The following GLO1 variants were observed in gnomAD, a reference collection of about 807,000 sequenced individuals.
GLO1 encodes glyoxalase I.
In GLO1, 28 loss-of-function variants were observed where a neutral mutation model predicts 26.0. That is an observed-to-expected ratio of 1.08 (90% confidence interval 0.80 to 1.48). The LOEUF (loss-of-function observed/expected upper bound fraction) is 1.48, where lower values mean the gene tolerates loss of function less well. GLO1 is among the 40% of genes most tolerant of loss of function. GLO1 has a pLI of 0.00. For synonymous variants in GLO1, 78 were observed against 77.6 expected, an observed-to-expected ratio of 1.00 and a Z score of -0.03; for missense variants, 225 against 224.8, an observed-to-expected ratio of 1.00 and a Z score of -0.01.
chr6:38,695,803 C>G (rs1241978525), intron 1 of GLO1, among the ~76,000 whole-genome samples: 1 of 152,150 alleles, frequency 6.6e-6, no homozygotes. Context: ...GGAAATGCTG[C>G]CCATTTCCAG....
chr6:38,700,206 T>C (rs13215896), intron 1 of GLO1, among the ~76,000 whole-genome samples: 11,614 of 152,236 alleles, frequency 0.076, 620 homozygotes, highest in Middle Eastern at 0.18. Context: ...TTGGGGTGGG[T>C]TCCCCCCGTA....
In GLO1 at chr6:38,703,005, AG is replaced by A; in HGVS notation, c.49del (p.Leu17SerfsTer23). On this transcript the variant is annotated frameshift_variant, in exon 1 of 6. Coordinates refer to ENST00000373365, the MANE Select transcript of GLO1 (RefSeq NM_006708.3). LOFTEE classifies it high-confidence loss of function. ...GGGGTCCGCGTCGGAGCAGCAACTG[AG>A]GGCGGCCTCGTCCGTGAGGCCGCCG... is the stretch of plus-strand genomic sequence containing the variant. ...PSGGLTDEAA[L>X]SCCSDADPST... 2 of 1,554,192 alleles carry A rather than the reference AG, an allele frequency of 1.3e-6. No individual in the cohort carries two copies. The highest frequency in any genetic ancestry group is 1.8e-6 in the Non-Finnish European group (2 of 1,138,790).
At position 38,677,373 on chromosome 6, in the gene GLO1, T is replaced by G; in HGVS notation, c.477A>C (p.Lys159Asn). ...CAGGATCTTGAATAAATGCCAGGCC[T>G]TTCATTTTACCTGTAAAATGAAAAT... is the stretch of plus-strand genomic sequence containing the variant. Reference protein sequence around the residue: ...FVKKPDDGKMKGLAFIQDPDG... With the variant: ...FVKKPDDGKMNGLAFIQDPDG... The change falls in exon 6 of 6, where the codon AAA becomes AAC. Residue 159 changes from lysine to asparagine, a missense_variant. Lys to Asn is a moderately conservative substitution (Grantham distance 94). Transcript: ENST00000373365. The G allele has an allele frequency of 6.7e-7, 1 of 1,485,416 alleles. No homozygotes were observed. Among genetic ancestry groups the G allele is most frequent in the Non-Finnish European group, 9.4e-7 (1 of 1,064,596 alleles). The allele number at this position is 1,485,416 out of a possible 1,614,324, so 92.0% of individuals were successfully genotyped here.
intron 5 of GLO1, among the ~76,000 whole-genome samples, chr6:38,680,494 C>T (rs1187139464): frequency 6.6e-6 from 1 of 152,202 alleles, no homozygotes; most frequent in Non-Finnish European, 1.5e-5. Context: ...GCACTCCAAC[C>T]TGGGCAACAA....
chr6:38,681,132 T>G (rs1272204859), intron 5 of GLO1, among the ~76,000 whole-genome samples: 1 of 152,044 alleles, frequency 6.6e-6, no homozygotes, highest in Admixed American at 6.6e-5. Context: ...GGTGCGATCT[T>G]GGCTCACTGC....
intron 1 of GLO1, among the ~76,000 whole-genome samples, chr6:38,698,819 G>A (rs965319524): frequency 6.6e-6 from 1 of 151,934 alleles, no homozygotes; most frequent in African/African-American, 2.4e-5. Flanking sequence ...AAAACAAGTC[G>A]ACTTTGTGCC....
chr6:38,677,369 G>C lies in GLO1; in HGVS notation c.481C>G (p.Leu161Val), dbSNP rs762483812. 3 of 1,510,376 alleles carry C rather than the reference G, an allele frequency of 2.0e-6. No individual in the cohort carries two copies. Among genetic ancestry groups the C allele is most frequent in the Non-Finnish European group, 2.8e-6 (3 of 1,086,700 alleles). The allele number at this position is 1,510,376 out of a possible 1,614,324, so 93.6% of individuals were successfully genotyped here. Residue 161 changes from leucine to valine, a missense_variant, in exon 6 of 6, where the codon CTG (leucine) becomes GTG (valine). Leu to Val is a conservative substitution (Grantham distance 32). Coordinates refer to ENST00000373365, the MANE Select transcript of GLO1 (RefSeq NM_006708.3). ...KKPDDGKMKG[L>V]AFIQDPDGYW... ...CCATCAGGATCTTGAATAAATGCCA[G>C]GCCTTTCATTTTACCTGTAAAATGA...
At position 38,703,001 on chromosome 6, in the gene GLO1, A is replaced by C; in HGVS notation, c.54T>G (p.Ser18Arg). The C allele has an allele frequency of 6.3e-7, 1 of 1,583,520 alleles. No individual in the cohort carries two copies. ...SGGLTDEAALSCCSDADPSTK... is the reference protein window; with the variant it reads ...SGGLTDEAALRCCSDADPSTK... ...TACTGGGGTCCGCGTCGGAGCAGCA[A>C]CTGAGGGCGGCCTCGTCCGTGAGGC... Residue 18 changes from serine to arginine, a missense_variant, in exon 1 of 6, where the codon AGT becomes AGG. Ser to Arg is a moderately radical substitution (Grantham distance 110). Transcript: ENST00000373365.
chr6:38,680,339 T>C (rs1761352190), intron 5 of GLO1, among the ~76,000 whole-genome samples: 1 of 151,950 alleles, frequency 6.6e-6, no homozygotes, highest in Admixed American at 6.6e-5. Context: ...CTGACCAACA[T>C]GGAGAAACCC....
intron 1 of GLO1, among the ~76,000 whole-genome samples, chr6:38,696,107 CAG>C (rs937097216): frequency 6.4e-4 from 97 of 151,978 alleles, no homozygotes; most frequent in African/African-American, 2.2e-3. Context: ...TTGTCAGAAG[CAG>C]AGTCTCTAAA....
rs747644601 is a variant in GLO1, at chr6:38,682,817, G to A, written c.367C>T (p.Arg123Ter). 31 of 1,588,692 alleles carry A rather than the reference G, an allele frequency of 2.0e-5. No homozygotes were observed. The highest frequency in any genetic ancestry group is 1.7e-4 in the Middle Eastern group (1 of 6,034). Residue 123 changes from arginine (R) to a stop codon, truncating the protein, a stop_gained, in exon 4 of 6, where the codon CGA becomes TGA. Coordinates refer to ENST00000373365, the MANE Select transcript of GLO1 (RefSeq NM_006708.3). LOFTEE classifies it high-confidence loss of function. The stretch of plus-strand genomic sequence containing the variant: ...AAACAGGCAAACTTACCGAATCCTC[G>A]AGGGTCTGAATTGCCATTGTGGTAA... ...QSYHNGNSDP[R>*]GFGHIGIAVP...
intron 5 of GLO1, among the ~76,000 whole-genome samples, chr6:38,679,568 G>C (rs1562480420): frequency 6.6e-6 from 1 of 152,156 alleles, no homozygotes; most frequent in Non-Finnish European, 1.5e-5. Context: ...GGCTGAGGCA[G>C]AAGGATCACT....
At chr6:38,698,047 C>T (rs1761637607) in intron 1 of GLO1, among the ~76,000 whole-genome samples, 1 of 152,216 alleles carries the variant, frequency 6.6e-6, no homozygotes, top group South Asian at 2.1e-4. Context: ...CAACGGTTAT[C>T]ACCACTCCCC....
rs1317530906 is a variant in GLO1, at chr6:38,682,069, T to C, written c.409A>G (p.Ser137Gly). ...AGTTCTTCAAACCTTTTACAAGCAC[T>C]GTATACATCAGGAACAGCAATTCCA... is the stretch of plus-strand genomic sequence containing the variant. ...HIGIAVPDVY[S>G]ACKRFEELGV... The change falls in exon 5 of 6, where the codon AGT (serine) becomes GGT (glycine). Residue 137 changes from serine to glycine, a missense_variant. Transcript: ENST00000373365. 6 of 1,595,788 alleles carry C rather than the reference T, an allele frequency of 3.8e-6. No homozygotes were observed. The highest frequency in any genetic ancestry group is 5.2e-6 in the Non-Finnish European group (6 of 1,163,308).
chr6:38,678,304 AAAAG>A (rs199599459), intron 5 of GLO1, among the ~76,000 whole-genome samples: 12 of 149,816 alleles, frequency 8.0e-5, no homozygotes, highest in Non-Finnish European at 1.3e-4. Flanking sequence ...AAATGCAGGA[AAAAG>A]AAAGAAAGAG....
At position 38,702,999 on chromosome 6, in the gene GLO1, C is replaced by T. The variant is rs17855424; in HGVS notation, c.56G>A (p.Cys19Tyr). Reference sequence around the variant, plus strand: ...GGTACTGGGGTCCGCGTCGGAGCAGCAACTGAGGGCGGCCTCGTCCGTGAG... The same window carrying T: ...GGTACTGGGGTCCGCGTCGGAGCAGTAACTGAGGGCGGCCTCGTCCGTGAG... ...GGLTDEAALSCCSDADPSTKD... is the reference protein window; with the variant it reads ...GGLTDEAALSYCSDADPSTKD... The change falls in exon 1 of 6, where the codon TGC becomes TAC. Residue 19 changes from cysteine to tyrosine, a missense_variant. Coordinates refer to ENST00000373365, the MANE Select transcript of GLO1 (RefSeq NM_006708.3). 1 of 1,585,754 alleles carries T rather than the reference C, an allele frequency of 6.3e-7. No homozygotes were observed. Among genetic ancestry groups the T allele is most frequent in the Admixed American group, 1.7e-5 (1 of 59,186 alleles).
chr6:38,694,575 A>G (rs936407543), intron 1 of GLO1, among the ~76,000 whole-genome samples: 2 of 152,024 alleles, frequency 1.3e-5, no homozygotes, highest in Non-Finnish European at 2.9e-5. Flanking sequence ...GCTCCTTGGG[A>G]GGCTGAGGTA....
intron 1 of GLO1, among the ~76,000 whole-genome samples, chr6:38,693,683 CTCTATATA>C (rs1410597028): frequency 0.029 from 2,403 of 82,408 alleles, 35 homozygotes; most frequent in Non-Finnish European, 0.048. Context: ...CTCTCTCTCT[CTCTATATA>C]TATATATATA....
At chr6:38,684,553 A>G (rs1761435562) in intron 2 of GLO1, 39 bp from the exon 3 acceptor site, 2 of 1,357,496 alleles carry the variant, frequency 1.5e-6, no homozygotes, top group Non-Finnish European at 1.9e-6. Flanking sequence ...CATTAACAAC[A>G]GGAAAGGCTA....
Sources: allele counts gnomAD v4.1 joint callset (sites outside exome capture counted in the v4.1 genomes callset), GRCh38; gene constraint gnomAD v4.1.1; transcripts MANE v1.5; gene names NCBI Gene and HGNC (gene_info 2026-07-23, HGNC 2026-07-21).